The following TATDN2 variants were observed in gnomAD, a reference collection of about 807,000 sequenced individuals.
TATDN2 encodes the protein 3'-5' RNA nuclease TATDN2.
In TATDN2, 44 loss-of-function variants were observed where a neutral mutation model predicts 60.3. The ratio of observed to expected loss-of-function variants is 0.73; its 90% CI spans 0.57 to 0.94. TATDN2 has a LOEUF of 0.94. TATDN2 is among the 40% of genes least tolerant of loss of function. The pLI is 0.00. For missense variants in TATDN2, 997 were observed against 948.0 expected, an observed-to-expected ratio of 1.05 and a Z score of -0.68; for synonymous variants, 399 against 355.8, an observed-to-expected ratio of 1.12 and a Z score of -1.37.
At chr3:10,276,876 C>T (rs1459569503) in intron 5 of TATDN2, among the ~76,000 whole-genome samples, 1 of 152,186 alleles carries the variant, frequency 6.6e-6, no homozygotes, top group Non-Finnish European at 1.5e-5. Context: ...CGTGAGCCAC[C>T]GTGCCCGGCC....
Position 10,278,322 on chromosome 3 carries a change from A to G in TATDN2, c.2005A>G (p.Lys669Glu), listed in dbSNP as rs746979637. ...CTACCCGGTCATTGAGCCCCTGCTGAAGTACTTTCCCAACATGTCTGTGGG... is the reference window on the plus strand; with the variant it reads ...CTACCCGGTCATTGAGCCCCTGCTGGAGTACTTTCCCAACATGTCTGTGGG... ...GSYPVIEPLL[K>E]YFPNMSVGFT... Residue 669 changes from lysine to glutamate, a missense_variant, in exon 6 of 8, where the codon AAG becomes GAG. By Grantham distance (56) the Lys-to-Glu change is moderately conservative (BLOSUM62 1). Transcript: ENST00000448281. This position sits in a 1 kb window ranked among gnomAD's most constrained non-coding sequence, Gnocchi z 4.7. 2.8e-5 allele frequency: 45 copies of G among 1,614,098 alleles called. No homozygotes were observed. The highest frequency in any genetic ancestry group is 3.7e-5 in the Non-Finnish European group (44 of 1,180,008).
chr3:10,272,077 T>TG (rs1698574966), intron 4 of TATDN2, among the ~76,000 whole-genome samples: 1 of 152,182 alleles, frequency 6.6e-6, no homozygotes, highest in Non-Finnish European at 1.5e-5. Flanking sequence ...CATAGTGCTT[T>TG]GGCAGGGTAA....
intron 2 of TATDN2, among the ~76,000 whole-genome samples, chr3:10,257,934 C>G (rs1193352352): frequency 8.0e-6 from 1 of 124,384 alleles, no homozygotes; most frequent in Non-Finnish European, 1.6e-5. Context: ...GATCTTGGCT[C>G]ACTGCAAGCT....
intron 2 of TATDN2, among the ~76,000 whole-genome samples, chr3:10,258,795 T>G (rs1465575268): frequency 6.6e-6 from 1 of 152,032 alleles, no homozygotes; most frequent in African/African-American, 2.4e-5. Flanking sequence ...TCTACTTCCC[T>G]GCATTCCCCA....
In TATDN2 at chr3:10,249,409, C is replaced by G. The variant is rs1456083648; in HGVS notation, c.209C>G (p.Ser70Cys). 2 of 1,613,400 alleles carry G rather than the reference C, an allele frequency of 1.2e-6. No individual in the cohort carries two copies. Among genetic ancestry groups the G allele is most frequent in the South Asian group, 2.2e-5 (2 of 91,068 alleles). ...EDDVACSRRL[S>C]WGSSRRRNNS... ...GATGTGGCTTGCTCGCGGAGGTTATCCTGGGGCTCATCCCGCCGCAGAAAT... is the reference window on the plus strand; with the variant it reads ...GATGTGGCTTGCTCGCGGAGGTTATGCTGGGGCTCATCCCGCCGCAGAAAT... Residue 70 changes from serine (S) to cysteine (C), a missense_variant, in exon 2 of 8, where the codon TCC becomes TGC. Transcript: ENST00000448281.
At chr3:10,263,719 C>A (rs968174298) in intron 3 of TATDN2, among the ~76,000 whole-genome samples, 5 of 152,048 alleles carry the variant, frequency 3.3e-5, no homozygotes, top group Non-Finnish European at 2.9e-5. Context: ...TGCTTCTTTC[C>A]GTTTCTTTTG....
rs1360858097 is a variant in TATDN2 at position 10,275,527 on chromosome 3, C to T, written c.1834-834C>T. Among the ~76,000 whole-genome samples the T allele has an allele frequency of 2.6e-5, 4 of 152,126 alleles. No individual in the cohort carries two copies. The East Asian group carries it at 5.8e-4, about 22-fold the overall frequency. ...CTTTGGGAGGCTGAGGCGGGCAGAT[C>T]AGTTGAGGTTAGTTTGAGACCAGCC... On this transcript the variant is annotated intron_variant, in intron 4 of 7. Transcript: ENST00000448281.
chr3:10,255,547 G>T (rs76852510), intron 2 of TATDN2, among the ~76,000 whole-genome samples: 2,157 of 151,834 alleles, frequency 0.014, 45 homozygotes, highest in African/African-American at 0.049. Flanking sequence ...TCCAGTCTTG[G>T]TCTTCACAAC....
chr3:10,249,388 T>C lies in TATDN2; in HGVS notation c.188T>C (p.Val63Ala), dbSNP rs1490639676. ...CTGAAAGCCCAGAAGGAGGACGATGTGGCTTGCTCGCGGAGGTTATCCTGG... is the reference window on the plus strand; with the variant it reads ...CTGAAAGCCCAGAAGGAGGACGATGCGGCTTGCTCGCGGAGGTTATCCTGG... ...KRLKAQKEDD[V>A]ACSRRLSWGS... The change falls in exon 2 of 8, where the codon GTG becomes GCG. Residue 63 changes from valine to alanine, a missense_variant. Physicochemically the swap from Val to Ala is moderately conservative, Grantham distance 64. Coordinates refer to ENST00000448281, the MANE Select transcript of TATDN2 (RefSeq NM_014760.4). 1 of 1,613,090 alleles carries C rather than the reference T, an allele frequency of 6.2e-7. No homozygotes were observed. Among genetic ancestry groups the C allele is most frequent in the Non-Finnish European group, 8.5e-7 (1 of 1,179,688 alleles).
At chr3:10,257,539 G>C (rs1425185914) in intron 2 of TATDN2, among the ~76,000 whole-genome samples, 1 of 135,252 alleles carries the variant, frequency 7.4e-6, no homozygotes, top group Non-Finnish European at 1.5e-5. Context: ...TGAGGCAGGA[G>C]AATCTGTTGA....
chr3:10,266,316 C>T (rs548079414), intron 3 of TATDN2, among the ~76,000 whole-genome samples: 11 of 152,220 alleles, frequency 7.2e-5, no homozygotes, highest in Non-Finnish European at 1.0e-4. Flanking sequence ...TACTTGGTTG[C>T]CTCTAATTCC....
intron 3 of TATDN2, among the ~76,000 whole-genome samples, chr3:10,265,408 C>T (rs1275278564): frequency 2.7e-5 from 4 of 148,402 alleles, no homozygotes; most frequent in African/African-American, 9.9e-5. Context: ...TTTAGCTGGG[C>T]GTGGGGCTCA....
chr3:10,269,977 G>C (rs777406119), intron 3 of TATDN2, among the ~76,000 whole-genome samples, 154 bp from the exon 4 acceptor site: 13 of 152,178 alleles, frequency 8.5e-5, no homozygotes, highest in Non-Finnish European at 1.2e-4. Flanking sequence ...GAAATTGTAA[G>C]GAAACCAGGT....
chr3:10,264,563 C>T (rs905128791), intron 3 of TATDN2, among the ~76,000 whole-genome samples: 13 of 151,958 alleles, frequency 8.6e-5, no homozygotes, highest in African/African-American at 2.9e-4. Flanking sequence ...TTGTCTGTTT[C>T]TTCTTTTTCT....
chr3:10,249,268 G>A lies in TATDN2; in HGVS notation c.68G>A (p.Arg23His), dbSNP rs148376271. The change falls in exon 2 of 8, where the codon CGC becomes CAC. Residue 23 changes from arginine to histidine, a missense_variant. Arg to His is a conservative substitution (Grantham distance 29). Coordinates refer to ENST00000448281, the MANE Select transcript of TATDN2 (RefSeq NM_014760.4). ...SSTSEGCPRKRSCLREPCDVA... is the reference protein window; with the variant it reads ...SSTSEGCPRKHSCLREPCDVA... Reference sequence around the variant, plus strand: ...ACGTCGGAAGGGTGTCCCCGCAAGCGCAGCTGCCTCCGGGAGCCCTGTGAT... The same window carrying A: ...ACGTCGGAAGGGTGTCCCCGCAAGCACAGCTGCCTCCGGGAGCCCTGTGAT... The A allele has an allele frequency of 3.9e-3, 6,155 of 1,580,486 alleles. 182 individuals are homozygous for A. The South Asian group carries it at 0.05, about 13-fold the overall frequency.
At chr3:10,275,783 C>A (rs943276475) in intron 4 of TATDN2, among the ~76,000 whole-genome samples, 2 of 141,202 alleles carry the variant, frequency 1.4e-5, no homozygotes, top group African/African-American at 2.6e-5. Context: ...AAAAACAAAG[C>A]AAGTTGTAGA....
chr3:10,251,909 G>C (rs1194690252), intron 2 of TATDN2, among the ~76,000 whole-genome samples: 1 of 150,602 alleles, frequency 6.6e-6, no homozygotes, highest in Non-Finnish European at 1.5e-5. Context: ...AGCACTTTGG[G>C]AGGCCGAGGT....
Position 10,270,332 on chromosome 3 carries a change from A to G in TATDN2, c.1150A>G (p.Ser384Gly). ...LYSSPWCDYASYWTSSPKPSS... is the reference protein window; with the variant it reads ...LYSSPWCDYAGYWTSSPKPSS... ...CAGTAGTCCTTGGTGTGACTACGCC[A>G]GCTATTGGACCAGCAGCCCCAAGCC... is the stretch of plus-strand genomic sequence containing the variant. The change falls in exon 4 of 8, where the codon AGC becomes GGC. Residue 384 changes from serine (S) to glycine (G), a missense_variant. Transcript: ENST00000448281. 1 of 1,614,152 alleles carries G rather than the reference A, an allele frequency of 6.2e-7. No individual in the cohort carries two copies. Among genetic ancestry groups the G allele is most frequent in the Non-Finnish European group, 8.5e-7 (1 of 1,180,024 alleles).
intron 2 of TATDN2, among the ~76,000 whole-genome samples, chr3:10,258,444 A>C (rs947248618): frequency 6.6e-6 from 1 of 150,874 alleles, no homozygotes; most frequent in Non-Finnish European, 1.5e-5. Flanking sequence ...CGCCTGGCTA[A>C]TTTTTGTAAT....
Sources: gnomAD v4.1 joint callset for allele counts (sites outside exome capture counted in the v4.1 genomes callset) on GRCh38, gnomAD v4.1.1 for gene constraint, Gnocchi (gnomAD v3.1) non-coding constraint, MANE v1.5 for transcripts, NCBI Gene and HGNC (gene_info 2026-07-23, HGNC 2026-07-21) for gene names.